The following EMB variants were observed in gnomAD, a reference collection of about 807,000 sequenced individuals.
The protein encoded by EMB is embigin, also known as embigin homolog.
A neutral mutation model predicts 41.4 loss-of-function variants in EMB; 31 were observed. The ratio of observed to expected loss-of-function variants is 0.75; its 90% CI spans 0.56 to 1.01. The LOEUF (loss-of-function observed/expected upper bound fraction) is 1.01, where lower values mean the gene tolerates loss of function less well. EMB is among the 50% of genes least tolerant of loss of function. The pLI, the probability that EMB is intolerant of heterozygous loss-of-function variation, is 0.00. For synonymous variants in EMB, 137 were observed against 140.4 expected (o/e 0.98, Z 0.17); for missense variants, 379 against 388.3 (o/e 0.98, Z 0.20).
intron 4 of EMB, among the ~76,000 whole-genome samples, chr5:50,407,857 A>G (rs1745273160): frequency 6.6e-6 from 1 of 151,980 alleles, no homozygotes; most frequent in Non-Finnish European, 1.5e-5. Flanking sequence ...TTCTAGGAAG[A>G]TGGGGTTTGG....
intron 2 of EMB, among the ~76,000 whole-genome samples, chr5:50,416,333 T>C (rs1254568694): frequency 1.3e-5 from 2 of 152,344 alleles, no homozygotes; most frequent in Middle Eastern, 3.4e-3. Context: ...TAAAACCATA[T>C]AGTAATTTAT....
At chr5:50,424,573 AC>A (rs1280104340) in intron 2 of EMB, among the ~76,000 whole-genome samples, 1 of 152,216 alleles carries the variant, frequency 6.6e-6, no homozygotes, top group African/African-American at 2.4e-5. Context: ...AATGTTAATC[AC>A]AAGATTATTA....
chr5:50,428,189 T>C lies in EMB; in HGVS notation c.151A>G (p.Met51Val). The C allele has an allele frequency of 6.2e-7, 1 of 1,612,318 alleles. No homozygotes were observed. The highest frequency in any genetic ancestry group is 1.1e-5 in the South Asian group (1 of 91,018). Residue 51 changes from methionine to valine, a missense_variant, in exon 2 of 9, where the codon ATG becomes GTG. Coordinates refer to ENST00000303221, the MANE Select transcript of EMB (RefSeq NM_198449.3). ...FTSPPLREEI[M>V]ANNFSLESHN... ...CTCTCCAAGGAAAAGTTATTTGCCA[T>C]TATTTCTTCTCTGAGAGGTGGACTT...
At chr5:50,438,834 T>C (rs1412267840) in intron 1 of EMB, among the ~76,000 whole-genome samples, 1 of 151,972 alleles carries the variant, frequency 6.6e-6, no homozygotes, top group East Asian at 1.9e-4. Flanking sequence ...ATACATAGAG[T>C]GACATCCCCT....
At chr5:50,431,612 T>G (rs977035546) in intron 1 of EMB, among the ~76,000 whole-genome samples, 1 of 152,166 alleles carries the variant, frequency 6.6e-6, no homozygotes, top group Non-Finnish European at 1.5e-5. Flanking sequence ...AAACCTCATC[T>G]GATAGGGAAA....
At chr5:50,437,073 C>T (rs1387641123) in intron 1 of EMB, among the ~76,000 whole-genome samples, 2 of 152,038 alleles carry the variant, frequency 1.3e-5, no homozygotes, top group Non-Finnish European at 2.9e-5. Context: ...GAGTTCAAGG[C>T]CAGCCTAGGC....
chr5:50,420,197 T>C (rs1052948179), intron 2 of EMB, among the ~76,000 whole-genome samples: 3 of 151,964 alleles, frequency 2.0e-5, no homozygotes, highest in African/African-American at 4.8e-5. Flanking sequence ...TAAAATACAA[T>C]AAAAGTAACT....
At chr5:50,425,922 G>A (rs1463689427) in intron 2 of EMB, among the ~76,000 whole-genome samples, 1 of 152,066 alleles carries the variant, frequency 6.6e-6, no homozygotes, top group Non-Finnish European at 1.5e-5. Context: ...GGCCTCAGGT[G>A]ATCTGCCTGC....
rs570290270 is a variant in EMB at position 50,397,998 on chromosome 5, A to G, written c.*1275T>C. 2.6e-4 allele frequency: 40 copies of G among 152,034 alleles called. No individual in the cohort carries two copies. The highest frequency in any genetic ancestry group is 7.2e-4 in the African/African-American group (30 of 41,508). 9.4% of individuals were successfully genotyped at this position (152,034 alleles called of 1,614,324 possible). A position where few individuals can be genotyped will look rare whatever the true frequency, so the allele number is the denominator to read the frequency against. ...GCCAATACATGGAGCAAATTTTTAT[A>G]AAGTATTTCTTGTCAAATCATTGAA... On this transcript the variant is annotated 3_prime_UTR_variant, in exon 9 of 9. Coordinates refer to ENST00000303221, the MANE Select transcript of EMB (RefSeq NM_198449.3).
intron 1 of EMB, among the ~76,000 whole-genome samples, chr5:50,435,574 T>C (rs1015210278): frequency 2.6e-5 from 4 of 152,238 alleles, no homozygotes; most frequent in African/African-American, 2.4e-5. Flanking sequence ...AGGAAGATCA[T>C]AGAAGTGATG....
chr5:50,428,326 A>G (rs1745656445), intron 1 of EMB, 99 bp from the exon 2 acceptor site: 3 of 1,257,938 alleles, frequency 2.4e-6, no homozygotes, highest in Non-Finnish European at 3.2e-6. Flanking sequence ...TGAACTATTA[A>G]TGAAAAACTG....
chr5:50,404,002 G>C (rs1055792259), intron 5 of EMB, among the ~76,000 whole-genome samples: 2 of 151,868 alleles, frequency 1.3e-5, no homozygotes, highest in African/African-American at 4.8e-5. Flanking sequence ...CCTGGGATCC[G>C]AAGTGAACTG....
intron 2 of EMB, among the ~76,000 whole-genome samples, chr5:50,416,643 G>A (rs1360086694): frequency 6.6e-6 from 1 of 152,070 alleles, no homozygotes; most frequent in Non-Finnish European, 1.5e-5. Context: ...GGATTCGATG[G>A]GACAACTCTG....
In EMB at chr5:50,403,266, T is replaced by C. The variant is rs770401547; in HGVS notation, c.789A>G (p.Pro263=). ...TCACCTCAGCCACTATTACAAGAAA[T>C]GGTTTGAGGGGCACCAAATAGCTCA... ...VVLSYLVPLK[P]FLVIVAEVIL... Residue 263 remains proline, a synonymous_variant, in exon 6 of 9, where the codon CCA becomes CCG. Transcript: ENST00000303221. 2 of 1,612,508 alleles carry C rather than the reference T, an allele frequency of 1.2e-6. No homozygotes were observed. The highest frequency in any genetic ancestry group is 2.7e-5 in the African/African-American group (2 of 74,720).
At chr5:50,419,967 G>A (rs1486827580) in intron 2 of EMB, among the ~76,000 whole-genome samples, 1 of 152,108 alleles carries the variant, frequency 6.6e-6, no homozygotes, top group Non-Finnish European at 1.5e-5. Context: ...CTTATAAGTG[G>A]GAGCTGAACA....
At chr5:50,400,750 G>C (rs1162286380) in intron 7 of EMB, among the ~76,000 whole-genome samples, 1 of 152,030 alleles carries the variant, frequency 6.6e-6, no homozygotes. Flanking sequence ...TGCTATACAA[G>C]ATGAGCAAAA....
At chr5:50,440,566 C>T (rs1220827424) in intron 1 of EMB, among the ~76,000 whole-genome samples, 1 of 142,782 alleles carries the variant, frequency 7.0e-6, no homozygotes, top group South Asian at 2.2e-4. Context: ...AAAAAATCCT[C>T]AAAGCCAACC....
intron 3 of EMB, 49 bp from the exon 4 acceptor site, chr5:50,411,014 A>G: frequency 7.2e-7 from 1 of 1,380,114 alleles, no homozygotes; most frequent in Non-Finnish European, 9.9e-7. Flanking sequence ...CAAAACCTTA[A>G]TGAAAATGAA....
intron 1 of EMB, among the ~76,000 whole-genome samples, chr5:50,430,005 T>A (rs7735159): frequency 0.5 from 70,193 of 140,294 alleles, 17,783 homozygotes; most frequent in African/African-American, 0.61. Flanking sequence ...TCTCTCTCTC[T>A]CACACACACA....
Sources: gnomAD v4.1 joint callset for allele counts (sites outside exome capture counted in the v4.1 genomes callset) on GRCh38, gnomAD v4.1.1 for gene constraint, MANE v1.5 for transcripts, NCBI Gene and HGNC (gene_info 2026-07-23, HGNC 2026-07-21) for gene names.